The following CLIC4 variants were observed in gnomAD, a reference collection of about 807,000 sequenced individuals.
The protein encoded by CLIC4 is chloride intracellular channel protein 4.
Under a neutral mutation model 24.6 loss-of-function variants are expected in CLIC4, and 13 were observed. The ratio of observed to expected loss-of-function variants is 0.53; its 90% CI spans 0.34 to 0.84. The LOEUF (loss-of-function observed/expected upper bound fraction) is 0.84. Ranked by LOEUF, CLIC4 falls within the 40% of genes least tolerant of loss-of-function variation. CLIC4 has a pLI of 0.01. For synonymous variants in CLIC4, 104 were observed against 111.3 expected (o/e 0.93, Z 0.41); for missense variants, 227 against 301.7 (o/e 0.75, Z 1.83).
intron 1 of CLIC4, among the ~76,000 whole-genome samples, chr1:24,765,138 A>T (rs565538080): frequency 2.0e-5 from 3 of 152,340 alleles, no homozygotes; most frequent in African/African-American, 7.2e-5. Context: ...TACTGTTCCC[A>T]TTGACTGTTT....
intron 4 of CLIC4, among the ~76,000 whole-genome samples, chr1:24,828,437 C>T (rs1023164170): frequency 6.6e-6 from 1 of 152,102 alleles, no homozygotes; most frequent in Non-Finnish European, 1.5e-5. Context: ...TGTTGGAGCC[C>T]CTCCTTTCCA....
chr1:24,786,669 G>C (rs188466972), intron 1 of CLIC4, among the ~76,000 whole-genome samples: 1 of 152,120 alleles, frequency 6.6e-6, no homozygotes, highest in African/African-American at 2.4e-5. Context: ...CCAGGCTGGA[G>C]TGCAGTGGTG....
At chr1:24,824,453 A>G (rs577451327) in intron 3 of CLIC4, among the ~76,000 whole-genome samples, 1 of 152,150 alleles carries the variant, frequency 6.6e-6, no homozygotes, top group East Asian at 1.9e-4. Context: ...TTTTTAGTGG[A>G]GACAGAGTTT....
chr1:24,759,462 A>G (rs1638892585), intron 1 of CLIC4, among the ~76,000 whole-genome samples: 1 of 151,750 alleles, frequency 6.6e-6, no homozygotes, highest in South Asian at 2.1e-4. Flanking sequence ...TTTCCTATAC[A>G]ATACGTGACT....
rs1304132114 is a variant in CLIC4 at position 24,814,124 on chromosome 1, C to T, written c.213C>T (p.Pro71=). ...RKPADLQNLA[P]GTHPPFITFN... is the part of the protein sequence containing the mutation. The stretch of plus-strand genomic sequence containing the variant: ...CAGCAGACCTGCAGAACTTGGCTCC[C>T]GGGACCCACCCACCATTTATAACTT... The change falls in exon 3 of 6, where the codon CCC becomes CCT. Residue 71 remains proline, a synonymous_variant. Transcript: ENST00000374379. 1.4e-5 allele frequency: 23 copies of T among 1,613,788 alleles called. No individual in the cohort carries two copies. Among genetic ancestry groups the T allele is most frequent in the East Asian group, 2.2e-5 (1 of 44,904 alleles).
intron 1 of CLIC4, among the ~76,000 whole-genome samples, chr1:24,795,192 A>G (rs1639383853): frequency 1.3e-5 from 2 of 152,204 alleles, no homozygotes; most frequent in Admixed American, 6.5e-5. Flanking sequence ...ATAAAAGTTA[A>G]AAACAATAGC....
At chr1:24,820,070 T>TATATATATATATATATAC in intron 3 of CLIC4, among the ~76,000 whole-genome samples, 1 of 33,558 alleles carries the variant, frequency 3.0e-5, no homozygotes, top group African/African-American at 9.9e-5. Context: ...AAAGTATGTA[T>TATATATATATATATATAC]ATATATATGT....
At chr1:24,810,287 G>A (rs1323990576) in intron 2 of CLIC4, among the ~76,000 whole-genome samples, 1 of 152,084 alleles carries the variant, frequency 6.6e-6, no homozygotes, top group Non-Finnish European at 1.5e-5. Context: ...TTTTATGTTT[G>A]ATTGTTATAT....
intron 1 of CLIC4, among the ~76,000 whole-genome samples, chr1:24,768,684 G>A (rs569620055): frequency 7.1e-4 from 108 of 151,946 alleles, no homozygotes; most frequent in African/African-American, 1.8e-3. Flanking sequence ...AGGCTGAGGC[G>A]GTCAGTCAGG....
At chr1:24,814,067 G>A (rs1465363654) in intron 2 of CLIC4, 27 bp from the exon 3 acceptor site, 1 of 1,612,354 alleles carries the variant, frequency 6.2e-7, no homozygotes, top group South Asian at 1.1e-5. Flanking sequence ...AAAATGATCT[G>A]ATTTTGACCA....
At chr1:24,779,924 A>G (rs953187690) in intron 1 of CLIC4, among the ~76,000 whole-genome samples, 2 of 152,120 alleles carry the variant, frequency 1.3e-5, no homozygotes, top group African/African-American at 4.8e-5. Context: ...TGTTTTCCAT[A>G]TGGCAGAGTG....
chr1:24,821,081 A>C (rs1335589495), intron 3 of CLIC4, among the ~76,000 whole-genome samples: 1 of 151,980 alleles, frequency 6.6e-6, no homozygotes, highest in East Asian at 1.9e-4. Flanking sequence ...GCTACTGGGG[A>C]GCCTGAGGTG....
chr1:24,780,070 C>T lies in CLIC4; in HGVS notation c.73-17672C>T, dbSNP rs78046273. ...CCCACCAGTGGAAGCTCCATGAAGTCAGGAATATGTTCTCTGGCACATACT... is the reference window on the plus strand; with the variant it reads ...CCCACCAGTGGAAGCTCCATGAAGTTAGGAATATGTTCTCTGGCACATACT... On this transcript the variant is annotated intron_variant, in intron 1 of 5. Transcript: ENST00000374379. Among the ~76,000 whole-genome samples the T allele has an allele frequency of 5.6e-3, 856 of 152,308 alleles. 7 individuals carry two copies. The highest frequency in any genetic ancestry group is 0.018 in the African/African-American group (731 of 41,570).
chr1:24,760,705 G>T (rs1306019490), intron 1 of CLIC4, among the ~76,000 whole-genome samples: 1 of 152,024 alleles, frequency 6.6e-6, no homozygotes. Context: ...TGTTGTAGGT[G>T]CTTGGATACA....
intron 3 of CLIC4, among the ~76,000 whole-genome samples, chr1:24,816,737 C>T (rs765888602): frequency 3.3e-5 from 5 of 152,172 alleles, no homozygotes; most frequent in Admixed American, 1.3e-4. Context: ...CATGATCTCC[C>T]TGTATATCTC....
chr1:24,777,456 A>G (rs1185208967), intron 1 of CLIC4, among the ~76,000 whole-genome samples: 2 of 152,146 alleles, frequency 1.3e-5, no homozygotes, highest in African/African-American at 4.8e-5. Flanking sequence ...AGGCAGGAGA[A>G]TCGCTTGAAC....
At chr1:24,807,657 T>C (rs960828204) in intron 2 of CLIC4, among the ~76,000 whole-genome samples, 10 of 152,190 alleles carry the variant, frequency 6.6e-5, no homozygotes, top group African/African-American at 2.4e-4. Context: ...ATGGTCACTT[T>C]ATGAGGAAGT....
chr1:24,754,636 C>G (rs549662637), intron 1 of CLIC4, among the ~76,000 whole-genome samples: 33 of 151,814 alleles, frequency 2.2e-4, no homozygotes, highest in African/African-American at 6.8e-4. Context: ...ACCTATTGTC[C>G]AAGGATGATT....
chr1:24,778,968 A>G (rs1056180792), intron 1 of CLIC4, among the ~76,000 whole-genome samples: 3 of 152,234 alleles, frequency 2.0e-5, no homozygotes, highest in Non-Finnish European at 2.9e-5. Context: ...TATTTCATCT[A>G]GTAGTTTTTG....
Sources: allele counts gnomAD v4.1 joint callset (sites outside exome capture counted in the v4.1 genomes callset), GRCh38; gene constraint gnomAD v4.1.1; transcripts MANE v1.5; gene names NCBI Gene and HGNC (gene_info 2026-07-23, HGNC 2026-07-21).